The following MLLT3 variants were observed in gnomAD, a reference collection of about 807,000 sequenced individuals.
MLLT3 encodes MLLT3 super elongation complex subunit, also known as protein AF-9.
MLLT3 carries 4 observed loss-of-function variants against 53.2 expected under a neutral mutation model. That is an observed-to-expected ratio of 0.08 (90% CI 0.04 to 0.17). MLLT3 has a LOEUF of 0.17. Among genes scored for constraint, MLLT3 ranks in the 10% least tolerant of loss-of-function variants. MLLT3 has a pLI of 1.00. For missense variants in MLLT3, 569 were observed against 684.0 expected (o/e 0.83, Z 1.87); for synonymous variants, 283 against 230.6 (o/e 1.23, Z -2.06).
intron 5 of MLLT3, among the ~76,000 whole-genome samples, chr9:20,377,887 T>C (rs545319788): frequency 6.6e-5 from 10 of 152,126 alleles, no homozygotes; most frequent in Non-Finnish European, 1.2e-4. Flanking sequence ...CAACATTTTC[T>C]CATTATCAGC....
intron 2 of MLLT3, among the ~76,000 whole-genome samples, chr9:20,619,292 C>T (rs1186763669): frequency 6.6e-6 from 1 of 152,160 alleles, no homozygotes; most frequent in African/African-American, 2.4e-5. Context: ...CCAACAAAGA[C>T]CATCAAATTC....
At chr9:20,455,176 G>C (rs924189155) in intron 3 of MLLT3, among the ~76,000 whole-genome samples, 1 of 152,194 alleles carries the variant, frequency 6.6e-6, no homozygotes, top group African/African-American at 2.4e-5. Flanking sequence ...AATTTGATTT[G>C]ATGACAAATA....
In MLLT3 at chr9:20,529,620, T is replaced by C. The variant is rs368183068; in HGVS notation, c.194-72834A>G. Among the ~76,000 whole-genome samples, 204 of 152,244 alleles carry C rather than the reference T, an allele frequency of 1.3e-3. 1 individual carries two copies. Among genetic ancestry groups the C allele is most frequent in the African/African-American group, 4.3e-3 (180 of 41,546 alleles). On this transcript the variant is annotated intron_variant, in intron 2 of 10. Coordinates refer to ENST00000380338, the MANE Select transcript of MLLT3 (RefSeq NM_004529.4). ...TCATATTGAGATCATTTTAGAATTA[T>C]ACTTGCTGTTTCATGATTTTATTTT...
intron 2 of MLLT3, among the ~76,000 whole-genome samples, chr9:20,558,307 T>G (rs1819113776): frequency 1.3e-5 from 2 of 152,188 alleles, no homozygotes; most frequent in Non-Finnish European, 2.9e-5. Context: ...TTTTTGTTTT[T>G]GTTTTGGTAG....
chr9:20,545,258 C>T (rs138745520), intron 2 of MLLT3, among the ~76,000 whole-genome samples: 41 of 152,146 alleles, frequency 2.7e-4, no homozygotes, highest in African/African-American at 9.6e-4. Flanking sequence ...CTGTCATATA[C>T]TATAAGAGTG....
chr9:20,467,946 C>T (rs1197725198), intron 2 of MLLT3, among the ~76,000 whole-genome samples: 1 of 152,090 alleles, frequency 6.6e-6, no homozygotes, highest in Non-Finnish European at 1.5e-5. Flanking sequence ...CAGCATTTTG[C>T]GGAAGAGGCA....
intron 2 of MLLT3, among the ~76,000 whole-genome samples, chr9:20,478,695 C>T (rs902518300): frequency 6.6e-6 from 1 of 152,164 alleles, no homozygotes; most frequent in Non-Finnish European, 1.5e-5. Flanking sequence ...AATTCTAAAT[C>T]CACTCCTTAA....
Position 20,524,961 on chromosome 9 carries a change from C to T in MLLT3, c.194-68175G>A, listed in dbSNP as rs116211461. Among the ~76,000 whole-genome samples the T allele has an allele frequency of 4.7e-3, 718 of 151,974 alleles. 4 individuals carry two copies. Among genetic ancestry groups the T allele is most frequent in the African/African-American group, 0.015 (631 of 41,414 alleles). ...AGGAACCCTGTCAGGCTACAGAGGG[C>T]GCTACAACATCCTCAGCATTCAGGA... On this transcript the variant is annotated intron_variant, in intron 2 of 10. Coordinates refer to ENST00000380338, the MANE Select transcript of MLLT3 (RefSeq NM_004529.4).
At chr9:20,486,712 C>T (rs1824823947) in intron 2 of MLLT3, among the ~76,000 whole-genome samples, 1 of 152,178 alleles carries the variant, frequency 6.6e-6, no homozygotes, top group South Asian at 2.1e-4. Flanking sequence ...AGGGCCAGCT[C>T]TTGGTTAATA....
Position 20,354,729 on chromosome 9 carries a change from A to G in MLLT3, c.1503+79T>C, listed in dbSNP as rs1821120256. The G allele has an allele frequency of 5.4e-6, 5 of 926,384 alleles. No homozygotes were observed. In the South Asian group the frequency reaches 6.8e-5, roughly 13 times the overall value. The allele number at this position is 926,384 out of a possible 1,614,324, so 57.4% of individuals were successfully genotyped here. A position where few individuals can be genotyped will look rare whatever the true frequency, so the allele number is the denominator to read the frequency against. ...TGAAGAAAATGAAAGGAGAACCAGC[A>G]AGGATGATCAAGGGCAACACAAAGA... is the stretch of plus-strand genomic sequence containing the variant. On this transcript the variant is annotated intron_variant, in intron 9 of 10. Transcript: ENST00000380338.
intron 4 of MLLT3, among the ~76,000 whole-genome samples, chr9:20,439,589 G>C (rs1028423688): frequency 6.6e-6 from 1 of 152,088 alleles, no homozygotes; most frequent in Non-Finnish European, 1.5e-5. Context: ...AGAGCACCAG[G>C]AAGGGGAGTG....
Position 20,521,140 on chromosome 9 carries a change from G to A in MLLT3, c.194-64354C>T, listed in dbSNP as rs144051861. The stretch of plus-strand genomic sequence containing the variant: ...AAGCTGGAGCACAATGGGCGATCTC[G>A]GCTCACTGCAACCTCCACCTCCTGA... On this transcript the variant is annotated intron_variant, in intron 2 of 10. Coordinates refer to ENST00000380338, the MANE Select transcript of MLLT3 (RefSeq NM_004529.4). Among the ~76,000 whole-genome samples the A allele has an allele frequency of 7.3e-5, 11 of 151,604 alleles. No individual in the cohort carries two copies. In the East Asian group the frequency reaches 1.7e-3, roughly 24 times the overall value.
At chr9:20,418,831 C>T (rs1481689288) in intron 4 of MLLT3, among the ~76,000 whole-genome samples, 4 of 152,110 alleles carry the variant, frequency 2.6e-5, no homozygotes, top group Admixed American at 2.6e-4. Context: ...TCCCAGCACT[C>T]AGAAGGCACT....
At chr9:20,486,325 T>C (rs543481964) in intron 2 of MLLT3, among the ~76,000 whole-genome samples, 1 of 152,062 alleles carries the variant, frequency 6.6e-6, no homozygotes, top group African/African-American at 2.4e-5. Context: ...CAGCAAAAAC[T>C]CAATGAACTC....
At chr9:20,566,588 A>G (rs1819383894) in intron 2 of MLLT3, among the ~76,000 whole-genome samples, 1 of 152,110 alleles carries the variant, frequency 6.6e-6, no homozygotes, top group Non-Finnish European at 1.5e-5. Context: ...TGCACTCTAT[A>G]AGAGCAAGAA....
chr9:20,551,956 T>C (rs541255796), intron 2 of MLLT3, among the ~76,000 whole-genome samples: 1 of 152,324 alleles, frequency 6.6e-6, no homozygotes, highest in South Asian at 2.1e-4. Flanking sequence ...ACAAACCTGC[T>C]CTGATAAAAT....
chr9:20,497,944 G>A (rs564899229), intron 2 of MLLT3, among the ~76,000 whole-genome samples: 14 of 152,194 alleles, frequency 9.2e-5, no homozygotes, highest in African/African-American at 3.4e-4. Flanking sequence ...ACTCTTCTAT[G>A]GGTGCAGTGG....
At chr9:20,479,273 CT>C (rs1164564910) in intron 2 of MLLT3, among the ~76,000 whole-genome samples, 1 of 152,126 alleles carries the variant, frequency 6.6e-6, no homozygotes, top group Non-Finnish European at 1.5e-5. Context: ...AAGTTGTTAA[CT>C]GTGTACTTGT....
At chr9:20,433,227 T>G (rs1563963808) in intron 4 of MLLT3, among the ~76,000 whole-genome samples, 1 of 152,098 alleles carries the variant, frequency 6.6e-6, no homozygotes, top group Non-Finnish European at 1.5e-5. Flanking sequence ...CAAAATGAAC[T>G]TGACATATCT....
Sources: gnomAD v4.1 joint callset for allele counts (sites outside exome capture counted in the v4.1 genomes callset) on GRCh38, gnomAD v4.1.1 for gene constraint, MANE v1.5 for transcripts, NCBI Gene and HGNC (gene_info 2026-07-23, HGNC 2026-07-21) for gene names.